Variants in LARP1B observed in about 807,000 individuals in gnomAD.
LARP1B encodes la-related protein 1B.
Under a neutral mutation model 114.2 loss-of-function variants are expected in LARP1B, and 76 were observed. That is an observed-to-expected ratio of 0.67 (90% CI 0.55 to 0.81). The LOEUF (loss-of-function observed/expected upper bound fraction) is 0.81. Ranked by LOEUF, LARP1B falls within the 30% of genes least tolerant of loss-of-function variation. LARP1B has a pLI of 0.00. For synonymous variants in LARP1B, 345 were observed against 348.0 expected (o/e 0.99, Z 0.10); for missense variants, 1,014 against 1,075.8 (o/e 0.94, Z 0.80).
intron 13 of LARP1B, among the ~76,000 whole-genome samples, chr4:128,178,181 TA>T (rs1747070701): frequency 6.6e-6 from 1 of 151,492 alleles, no homozygotes; most frequent in Admixed American, 6.6e-5. Context: ...GAAATGGGAT[TA>T]GGGGAGGTTA....
chr4:128,213,501 T>C (rs1037387606), downstream of LARP1B, among the ~76,000 whole-genome samples: 2 of 152,124 alleles, frequency 1.3e-5, no homozygotes, highest in African/African-American at 4.8e-5. Context: ...TTTTTTTGGG[T>C]AAAATTTTAA....
intron 7 of LARP1B, among the ~76,000 whole-genome samples, chr4:128,092,420 T>A (rs1179072469): frequency 1.3e-5 from 2 of 152,194 alleles, no homozygotes; most frequent in African/African-American, 4.8e-5. Flanking sequence ...AGTTCTATTT[T>A]CTGAAAGAAA....
At chr4:128,154,465 G>T (rs889657823) in intron 11 of LARP1B, among the ~76,000 whole-genome samples, 15 of 152,136 alleles carry the variant, frequency 9.9e-5, no homozygotes, top group African/African-American at 3.6e-4. Context: ...TGGCAAGCAA[G>T]AATTCATGAA....
chr4:128,211,693 T>TAA lies in LARP1B; in HGVS notation c.*1642_*1643dup, dbSNP rs749548095. 5.4e-4 allele frequency: 530 copies of TAA among 985,328 alleles called. No homozygotes were observed. Among genetic ancestry groups the TAA allele is most frequent in the Non-Finnish European group, 6.0e-4 (501 of 829,824 alleles). 61.0% of individuals were successfully genotyped at this position (985,328 alleles called of 1,614,324 possible). On this transcript the variant is annotated 3_prime_UTR_variant, in exon 20 of 20. Transcript: ENST00000326639. Reference sequence around the variant, plus strand: ...ATTTCCAAACCGTGCTTATTAGCTTTAAATGGTCTCTTGAAATGATCATAA... The same window carrying TAA: ...ATTTCCAAACCGTGCTTATTAGCTTTAAAAATGGTCTCTTGAAATGATCATAA...
chr4:128,107,532 G>T (rs925694446), intron 9 of LARP1B: 13 of 1,384,334 alleles, frequency 9.4e-6, no homozygotes, highest in Non-Finnish European at 1.1e-5. Context: ...TATGTTTCTT[G>T]TTCTTAAATT....
intron 15 of LARP1B, among the ~76,000 whole-genome samples, chr4:128,194,813 G>T (rs1189905769): frequency 6.6e-6 from 1 of 151,502 alleles, no homozygotes; most frequent in Non-Finnish European, 1.5e-5. Flanking sequence ...ATTGCAGTGA[G>T]CTGGGATGGG....
intron 12 of LARP1B, among the ~76,000 whole-genome samples, chr4:128,170,770 A>G (rs4487359): frequency 0.024 from 3,632 of 151,776 alleles, 127 homozygotes; most frequent in African/African-American, 0.083. Flanking sequence ...TTTTTTATTC[A>G]GTCTGACAGT....
intron 12 of LARP1B, among the ~76,000 whole-genome samples, chr4:128,165,534 A>G (rs1197811482): frequency 6.6e-6 from 1 of 152,104 alleles, no homozygotes; most frequent in Non-Finnish European, 1.5e-5. Flanking sequence ...GGGAAATCAT[A>G]TAAAAGAATG....
chr4:128,209,146 T>C (rs561476178), intron 19 of LARP1B, among the ~76,000 whole-genome samples: 37 of 152,298 alleles, frequency 2.4e-4, no homozygotes, highest in African/African-American at 7.5e-4. Flanking sequence ...AGGCCAGGCA[T>C]GGTGGCTCAT....
At chr4:128,219,982 T>G (rs1055725782) in intron 6 of LARP1B, among the ~76,000 whole-genome samples, 1 of 152,090 alleles carries the variant, frequency 6.6e-6, no homozygotes, top group Admixed American at 6.5e-5. Flanking sequence ...GTCTACCAGG[T>G]TCAAGCGATT....
intron 15 of LARP1B, among the ~76,000 whole-genome samples, chr4:128,189,554 G>A (rs1033841227): frequency 7.2e-5 from 11 of 151,874 alleles, no homozygotes; most frequent in African/African-American, 1.7e-4. Context: ...GACTTACTAC[G>A]CAGTATGTCA....
At chr4:128,207,579 A>G (rs1757942230) in intron 19 of LARP1B, among the ~76,000 whole-genome samples, 196 bp downstream of exon 19, 2 of 152,272 alleles carry the variant, frequency 1.3e-5, no homozygotes. Flanking sequence ...AAATGTTAAC[A>G]TCTTGTATAA....
downstream of LARP1B, among the ~76,000 whole-genome samples, chr4:128,212,511 G>A (rs1302239592): frequency 1.3e-5 from 2 of 152,084 alleles, no homozygotes; most frequent in African/African-American, 2.4e-5. Context: ...GCTGGGCGTG[G>A]TGGTGCATGT....
chr4:128,188,497 C>G (rs1438543361), intron 15 of LARP1B, among the ~76,000 whole-genome samples: 1 of 152,134 alleles, frequency 6.6e-6, no homozygotes, highest in Admixed American at 6.6e-5. Flanking sequence ...TTGTTTTAGT[C>G]TCAATTTTAT....
chr4:128,063,826 G>A (rs1313608446), intron 1 of LARP1B, among the ~76,000 whole-genome samples: 2 of 152,076 alleles, frequency 1.3e-5, no homozygotes, highest in Non-Finnish European at 2.9e-5. Flanking sequence ...AAATTAAGTT[G>A]TAAATGACTT....
Position 128,176,861 on chromosome 4 carries a change from T to C in LARP1B, c.1649-11T>C, listed in dbSNP as rs1561499792. 1 of 1,613,352 alleles carries C rather than the reference T, an allele frequency of 6.2e-7. No homozygotes were observed. Among genetic ancestry groups the C allele is most frequent in the East Asian group, 2.2e-5 (1 of 44,862 alleles). ...ACAGCACAAAAAGGGACTAATTAAC[T>C]CTCTTGGCAGGAGGTGTTCAAGGAG... is the stretch of plus-strand genomic sequence containing the variant. On this transcript the variant is annotated splice_polypyrimidine_tract_variant and intron_variant, in intron 12 of 19. Coordinates refer to ENST00000326639, the MANE Select transcript of LARP1B (RefSeq NM_018078.4).
At chr4:128,105,863 C>T (rs901544655) in intron 8 of LARP1B, among the ~76,000 whole-genome samples, 1 of 152,010 alleles carries the variant, frequency 6.6e-6, no homozygotes, top group South Asian at 2.1e-4. Flanking sequence ...TGCACTGTAG[C>T]CTGGGTGACA....
At chr4:128,116,278 T>C (rs1785791560) in intron 10 of LARP1B, among the ~76,000 whole-genome samples, 2 of 152,214 alleles carry the variant, frequency 1.3e-5, no homozygotes, top group East Asian at 3.8e-4. Flanking sequence ...TAAGCTAAGA[T>C]TGATTTATAT....
intron 3 of LARP1B, 61 bp downstream of exon 3, chr4:128,075,054 C>A: frequency 1.8e-6 from 2 of 1,094,816 alleles, no homozygotes; most frequent in Non-Finnish European, 1.4e-6. Flanking sequence ...TTTCGACATG[C>A]AGAATTTTAT....
Sources: gnomAD v4.1 joint callset for allele counts (sites outside exome capture counted in the v4.1 genomes callset) on GRCh38, gnomAD v4.1.1 for gene constraint, MANE v1.5 for transcripts, NCBI Gene and HGNC (gene_info 2026-07-23, HGNC 2026-07-21) for gene names.